Variants in KLHL22 observed in about 807,000 individuals in gnomAD.
KLHL22 encodes kelch-like protein 22.
Under a neutral mutation model 60.7 loss-of-function variants are expected in KLHL22, and 18 were observed. The ratio of observed to expected loss-of-function variants is 0.30; its 90% CI spans 0.20 to 0.44. KLHL22 has a LOEUF of 0.44. Ranked by LOEUF, KLHL22 falls within the 20% of genes least tolerant of loss-of-function variation. The pLI is 1.00. For missense variants in KLHL22, 596 were observed against 852.3 expected, an observed-to-expected ratio of 0.70 and a Z score of 3.74; for synonymous variants, 355 against 354.5, an observed-to-expected ratio of 1.00 and a Z score of -0.01.
In KLHL22 at chr22:20,457,823, G is replaced by A; in HGVS notation, c.1290C>T (p.Ala430=). 6.2e-7 allele frequency: 1 copy of A among 1,602,844 alleles called. No homozygotes were observed. Among genetic ancestry groups the A allele is most frequent in the African/African-American group, 1.3e-5 (1 of 74,940 alleles). The stretch of plus-strand genomic sequence containing the variant: ...GCTTCCTTACCTCCCTCTTGAGTGG[G>A]GCCACGTATGCCCAGGAGTTGGTGG... ...DPATNSWAYV[A]PLKREVYAHA... is the part of the protein sequence containing the mutation. The change falls in exon 5 of 7, where the codon GCC becomes GCT. Residue 430 remains alanine, a synonymous_variant. Transcript: ENST00000328879.
In KLHL22 at chr22:20,446,507, A is replaced by G; in HGVS notation, c.1475T>C (p.Leu492Pro). The change falls in exon 6 of 7, where the codon CTC (leucine) becomes CCC (proline). Residue 492 changes from leucine (L) to proline (P), a missense_variant. Physicochemically the swap from Leu to Pro is moderately conservative, Grantham distance 98. Transcript: ENST00000328879. ...RRAWHGMATL[L>P]NKLYVIGGSN... ...GCCCCCGATCACATACAGCTTGTTGAGGAGGGTTGCCATGCCGTGCCAGGC... is the reference window on the plus strand; with the variant it reads ...GCCCCCGATCACATACAGCTTGTTGGGGAGGGTTGCCATGCCGTGCCAGGC... 1 of 1,613,222 alleles carries G rather than the reference A, an allele frequency of 6.2e-7. No homozygotes were observed. Among genetic ancestry groups the G allele is most frequent in the Non-Finnish European group, 8.5e-7 (1 of 1,180,018 alleles).
chr22:20,445,174 G>A (rs1601318876), intron 6 of KLHL22, among the ~76,000 whole-genome samples: 1 of 151,128 alleles, frequency 6.6e-6, no homozygotes, highest in African/African-American at 2.4e-5. Context: ...TACTGCAGGG[G>A]CCTGATTATG....
At chr22:20,471,288 T>G in intron 3 of KLHL22, 62 bp downstream of exon 3, 1 of 1,517,778 alleles carries the variant, frequency 6.6e-7, no homozygotes. Flanking sequence ...GCAGGCATCA[T>G]GGGCATCTCA....
intron 1 of KLHL22, chr22:20,491,827 T>G (rs2053696726): frequency 6.6e-6 from 1 of 152,206 alleles, no homozygotes; most frequent in Non-Finnish European, 1.5e-5. Context: ...CTGCTTCCCA[T>G]CAAACACACT....
chr22:20,481,505 G>A (rs147776406), intron 2 of KLHL22, among the ~76,000 whole-genome samples: 138 of 152,238 alleles, frequency 9.1e-4, no homozygotes, highest in African/African-American at 3.0e-3. Context: ...CCTGGTAGGC[G>A]GAGGTTGCAG....
At chr22:20,484,004 G>T in intron 2 of KLHL22, 1 of 719,592 alleles carries the variant, frequency 1.4e-6, no homozygotes, top group Non-Finnish European at 2.5e-6. Flanking sequence ...CTGCATAGAC[G>T]CTGGCCACGC....
At chr22:20,487,913 G>C (rs969137580) in intron 2 of KLHL22, among the ~76,000 whole-genome samples, 2 of 152,138 alleles carry the variant, frequency 1.3e-5, no homozygotes, top group African/African-American at 2.4e-5. Flanking sequence ...TAAGTCCCCT[G>C]CAGGGGGCCC....
At chr22:20,445,485 C>T (rs572648018) in intron 6 of KLHL22, among the ~76,000 whole-genome samples, 34 of 152,230 alleles carry the variant, frequency 2.2e-4, no homozygotes, top group Non-Finnish European at 3.7e-4. Flanking sequence ...GGATTACAGG[C>T]GTGAGCCACC....
chr22:20,450,178 C>T (rs938116500), intron 5 of KLHL22: 12 of 795,814 alleles, frequency 1.5e-5, no homozygotes, highest in Admixed American at 3.4e-5. Flanking sequence ...CTAAATCAAT[C>T]CTCAGTTCAA....
intron 2 of KLHL22, among the ~76,000 whole-genome samples, chr22:20,482,374 C>T (rs2053516888): frequency 6.6e-6 from 1 of 152,038 alleles, no homozygotes; most frequent in African/African-American, 2.4e-5. Flanking sequence ...AAGACAGATT[C>T]CCTAGCATGA....
At chr22:20,484,130 G>C in intron 2 of KLHL22, 2 of 723,324 alleles carry the variant, frequency 2.8e-6, no homozygotes, top group Non-Finnish European at 5.0e-6. Context: ...AGAGCAAGAG[G>C]ACAGGACTCA....
At chr22:20,478,881 C>A (rs2053455322) in intron 2 of KLHL22, among the ~76,000 whole-genome samples, 1 of 150,698 alleles carries the variant, frequency 6.6e-6, no homozygotes, top group Admixed American at 6.6e-5. Context: ...TGTATCCCAG[C>A]ACTTTGGGAG....
intron 4 of KLHL22, among the ~76,000 whole-genome samples, chr22:20,461,501 T>G (rs1168125043): frequency 2.4e-5 from 3 of 126,798 alleles, no homozygotes; most frequent in African/African-American, 9.3e-5. Flanking sequence ...TGCAGTGAGC[T>G]GAGATCACGC....
intron 6 of KLHL22, among the ~76,000 whole-genome samples, chr22:20,443,990 G>T (rs1267021438): frequency 6.6e-6 from 1 of 150,692 alleles, no homozygotes; most frequent in Non-Finnish European, 1.5e-5. Context: ...GGCAGAGGTT[G>T]CAGTGAGCTG....
chr22:20,483,610 A>G, intron 2 of KLHL22: 2 of 726,738 alleles, frequency 2.8e-6, no homozygotes, highest in Non-Finnish European at 5.1e-6. Context: ...CTCATACTTG[A>G]CTCTAAAGTC....
intron 2 of KLHL22, chr22:20,484,047 TG>T: frequency 2.2e-6 from 2 of 916,814 alleles, no homozygotes; most frequent in Non-Finnish European, 3.5e-6. Flanking sequence ...GCTGGGAGCC[TG>T]GACAGAGCCC....
chr22:20,472,868 G>A (rs888600576), intron 2 of KLHL22, among the ~76,000 whole-genome samples: 13 of 152,316 alleles, frequency 8.5e-5, no homozygotes, highest in Admixed American at 7.2e-4. Context: ...GAGACCTAAG[G>A]ATAAGGCTGA....
In KLHL22 at chr22:20,465,902, C is replaced by T. The variant is rs1314702273; in HGVS notation, c.394-326G>A. Among the ~76,000 whole-genome samples, 1 of 151,972 alleles carries T rather than the reference C, an allele frequency of 6.6e-6. No homozygotes were observed. The highest frequency in any genetic ancestry group is 1.5e-5 in the Non-Finnish European group (1 of 67,988). On this transcript the variant is annotated intron_variant, in intron 3 of 6. Transcript: ENST00000328879. The surrounding 1 kb of genome is among the most constrained non-coding windows in gnomAD (Gnocchi z 4.9). ...AGAATCTCGGCTCACTAACACCTCC[C>T]CCTCCCGGGTTGAAATGATTCTCCT...
Position 20,457,799 on chromosome 22 carries a change from C to T in KLHL22, c.1305+9G>A, listed in dbSNP as rs978702051. On this transcript the variant is annotated intron_variant, in intron 5 of 6. Transcript: ENST00000328879. ...GCAGGAGAAGGCCCCTCTTCGAGGG[C>T]TTCCTTACCTCCCTCTTGAGTGGGG... 3 of 1,581,908 alleles carry T rather than the reference C, an allele frequency of 1.9e-6. No homozygotes were observed. The highest frequency in any genetic ancestry group is 1.3e-5 in the African/African-American group (1 of 74,668).
Sources: allele counts gnomAD v4.1 joint callset (sites outside exome capture counted in the v4.1 genomes callset), GRCh38; gene constraint gnomAD v4.1.1; non-coding constraint Gnocchi (gnomAD v3.1); transcripts MANE v1.5; gene names NCBI Gene and HGNC (gene_info 2026-07-23, HGNC 2026-07-21).